WWOX: variants seen among roughly 807,000 people sequenced by gnomAD.
WWOX encodes the protein WW domain containing oxidoreductase.
A neutral mutation model predicts 46.2 loss-of-function variants in WWOX; 69 were observed. That is an observed-to-expected ratio of 1.49 (90% CI 1.23 to 1.82). The LOEUF (loss-of-function observed/expected upper bound fraction) is 1.82, where lower values mean the gene tolerates loss of function less well. WWOX is among the 40% of genes most tolerant of loss of function. The pLI is 0.00. For synonymous variants in WWOX, 359 were observed against 202.6 expected, an observed-to-expected ratio of 1.77 and a Z score of -6.56; for missense variants, 919 against 542.6, an observed-to-expected ratio of 1.69 and a Z score of -6.89.
intron 5 of WWOX, among the ~76,000 whole-genome samples, chr16:78,197,765 G>A (rs1333623148): frequency 1.3e-5 from 2 of 152,078 alleles, no homozygotes; most frequent in African/African-American, 4.8e-5. Flanking sequence ...TGAGGGAGAT[G>A]GCAGTGCAAT....
At chr16:78,457,591 T>G (rs2083849573) in intron 8 of WWOX, among the ~76,000 whole-genome samples, 1 of 151,974 alleles carries the variant, frequency 6.6e-6, no homozygotes, top group Non-Finnish European at 1.5e-5. Context: ...TTACAACATT[T>G]GTGGGGGCTG....
chr16:78,458,805 G>C (rs1014309268), intron 8 of WWOX, among the ~76,000 whole-genome samples: 76 of 152,180 alleles, frequency 5.0e-4, no homozygotes, highest in African/African-American at 1.7e-3. Context: ...CTTTTTATCT[G>C]TGTGTGTTGG....
intron 8 of WWOX, among the ~76,000 whole-genome samples, chr16:78,965,515 A>G (rs957510147): frequency 6.6e-6 from 1 of 151,716 alleles, no homozygotes; most frequent in African/African-American, 2.4e-5. Flanking sequence ...GGTTGCAGTG[A>G]GCCGAGATGG....
At chr16:78,886,229 T>C (rs2044454767) in intron 8 of WWOX, among the ~76,000 whole-genome samples, 1 of 53,748 alleles carries the variant, frequency 1.9e-5, no homozygotes, top group Non-Finnish European at 5.6e-5. Context: ...CTGACTGTAC[T>C]TTTTTTTTTT....
chr16:78,574,771 A>G (rs1194578891), intron 8 of WWOX, among the ~76,000 whole-genome samples: 1 of 150,692 alleles, frequency 6.6e-6, no homozygotes, highest in Non-Finnish European at 1.5e-5. Context: ...ATAGAAACAG[A>G]GAGTGAGAAT....
At chr16:79,032,636 T>G (rs1347661793) in intron 8 of WWOX, among the ~76,000 whole-genome samples, 1 of 146,974 alleles carries the variant, frequency 6.8e-6, no homozygotes, top group Non-Finnish European at 1.5e-5. Context: ...ATATAATATA[T>G]GTAATAGAGC....
intron 8 of WWOX, among the ~76,000 whole-genome samples, chr16:78,477,043 A>G (rs576313214): frequency 6.6e-6 from 1 of 152,304 alleles, no homozygotes; most frequent in East Asian, 1.9e-4. Flanking sequence ...TATACATTTA[A>G]CACAATCTTG....
intron 5 of WWOX, among the ~76,000 whole-genome samples, chr16:78,366,696 A>T (rs1464290195): frequency 6.6e-6 from 1 of 152,094 alleles, no homozygotes; most frequent in Non-Finnish European, 1.5e-5. Flanking sequence ...TATTTGGGAG[A>T]TACTTGAAAA....
At chr16:78,797,741 A>G (rs772086996) in intron 8 of WWOX, among the ~76,000 whole-genome samples, 1 of 152,180 alleles carries the variant, frequency 6.6e-6, no homozygotes, top group Non-Finnish European at 1.5e-5. Flanking sequence ...TAATCCCAGC[A>G]CTTTGGGAGG....
intron 5 of WWOX, among the ~76,000 whole-genome samples, chr16:78,360,799 T>C (rs2081392740): frequency 6.8e-6 from 1 of 147,922 alleles, no homozygotes; most frequent in African/African-American, 2.5e-5. Flanking sequence ...TTATATTTAA[T>C]TGTTGTATCT....
chr16:78,746,856 A>G (rs948945950), intron 8 of WWOX, among the ~76,000 whole-genome samples: 1 of 152,124 alleles, frequency 6.6e-6, no homozygotes, highest in African/African-American at 2.4e-5. Flanking sequence ...TGATCTTGTG[A>G]ACCCTTGAAA....
Position 78,349,641 on chromosome 16 carries a change from T to C in WWOX, c.517-37219T>C, listed in dbSNP as rs1291317320. ...ATCCATGGATTGGTATGAGCCCTAATGGTGCACCCTTCCGACAATCCTTCA... is the reference window on the plus strand; with the variant it reads ...ATCCATGGATTGGTATGAGCCCTAACGGTGCACCCTTCCGACAATCCTTCA... On this transcript the variant is annotated intron_variant, in intron 5 of 8. Transcript: ENST00000566780. Among the ~76,000 whole-genome samples the C allele has an allele frequency of 1.7e-5, 2 of 120,446 alleles. 1 individual carries two copies. The highest frequency in any genetic ancestry group is 4.0e-5 in the Non-Finnish European group (2 of 50,464). The allele number at this position is 120,446 out of a possible 152,430, so 79.0% of individuals were successfully genotyped here. A position where few individuals can be genotyped will look rare whatever the true frequency, so the allele number is the denominator to read the frequency against.
chr16:78,859,259 C>T (rs1424630089), intron 8 of WWOX, among the ~76,000 whole-genome samples: 1 of 151,170 alleles, frequency 6.6e-6, no homozygotes, highest in Non-Finnish European at 1.5e-5. Flanking sequence ...GGCTGAGCTG[C>T]CTGAAAGGGA....
At chr16:78,584,435 T>C (rs2045143223) in intron 8 of WWOX, among the ~76,000 whole-genome samples, 1 of 152,220 alleles carries the variant, frequency 6.6e-6, no homozygotes, top group South Asian at 2.1e-4. Flanking sequence ...GCTTACATTT[T>C]GTCATGAGTA....
chr16:78,229,343 C>T (rs2037170957), intron 5 of WWOX, among the ~76,000 whole-genome samples: 2 of 150,790 alleles, frequency 1.3e-5, no homozygotes, highest in South Asian at 2.1e-4. Flanking sequence ...AATTGCTTTT[C>T]TTTTTAACTC....
At chr16:78,940,637 A>G (rs1597180772) in intron 8 of WWOX, among the ~76,000 whole-genome samples, 1 of 150,514 alleles carries the variant, frequency 6.6e-6, no homozygotes, top group Non-Finnish European at 1.5e-5. Context: ...CTAAACAGGC[A>G]TGTGCACATA....
intron 5 of WWOX, among the ~76,000 whole-genome samples, chr16:78,328,472 T>C (rs570086542): frequency 2.9e-4 from 44 of 152,354 alleles, no homozygotes; most frequent in African/African-American, 1.0e-3. Context: ...TTAATTTTCA[T>C]TTCAAGTTGC....
chr16:78,537,510 A>G lies in WWOX; in HGVS notation c.1056+104758A>G, dbSNP rs116649715. Among the ~76,000 whole-genome samples, 840 of 152,300 alleles carry G rather than the reference A, an allele frequency of 5.5e-3. 11 individuals are homozygous for G. The highest frequency in any genetic ancestry group is 0.02 in the African/African-American group (818 of 41,574). ...GTTTTATCGTTTTCATCATTATCAT[A>G]TGATTTACCTCTTCTCTTGTGTCTT... On this transcript the variant is annotated intron_variant, in intron 8 of 8. Transcript: ENST00000566780.
At chr16:78,272,358 G>C (rs960244661) in intron 5 of WWOX, among the ~76,000 whole-genome samples, 1 of 152,172 alleles carries the variant, frequency 6.6e-6, no homozygotes, top group Non-Finnish European at 1.5e-5. Flanking sequence ...CTGCATGGCA[G>C]ATATAGGGCC....
Sources: gnomAD v4.1 joint callset for allele counts (sites outside exome capture counted in the v4.1 genomes callset) on GRCh38, gnomAD v4.1.1 for gene constraint, MANE v1.5 for transcripts, NCBI Gene and HGNC (gene_info 2026-07-23, HGNC 2026-07-21) for gene names.